Variants in GALNT9 observed in about 807,000 individuals in gnomAD.
The protein encoded by GALNT9 is polypeptide N-acetylgalactosaminyltransferase 9.
In GALNT9, 47 loss-of-function variants were observed where a neutral mutation model predicts 63.1. The observed-to-expected ratio is 0.75, with a 90% CI of 0.59 to 0.95. The LOEUF (loss-of-function observed/expected upper bound fraction) is 0.95, where lower values mean the gene tolerates loss of function less well. Among genes scored for constraint, GALNT9 ranks in the 40% least tolerant of loss-of-function variants. The pLI is 0.00. For missense variants in GALNT9, 829 were observed against 874.8 expected, an observed-to-expected ratio of 0.95 and a Z score of 0.66; for synonymous variants, 396 against 365.7, an observed-to-expected ratio of 1.08 and a Z score of -0.94.
chr12:132,256,381 T>C (rs1879110598), intron 5 of GALNT9, among the ~76,000 whole-genome samples: 1 of 151,876 alleles, frequency 6.6e-6, no homozygotes, highest in Non-Finnish European at 1.5e-5. Flanking sequence ...CTCCTCCCTG[T>C]TTCTAAGTAT....
chr12:132,320,647 G>T (rs28649898), intron 1 of GALNT9, among the ~76,000 whole-genome samples: 2 of 123,830 alleles, frequency 1.6e-5, no homozygotes, highest in Admixed American at 8.1e-5. Context: ...CGTGGGACAC[G>T]GTGGAGGAGG....
At chr12:132,285,197 G>C (rs1163549264) in intron 2 of GALNT9, among the ~76,000 whole-genome samples, 1 of 152,210 alleles carries the variant, frequency 6.6e-6, no homozygotes, top group Non-Finnish European at 1.5e-5. Flanking sequence ...GGCAAGTGTG[G>C]CTGAGGCCAC....
chr12:132,303,379 T>TCA (rs1566018926), intron 1 of GALNT9, among the ~76,000 whole-genome samples: 1 of 116,156 alleles, frequency 8.6e-6, no homozygotes, highest in Non-Finnish European at 1.8e-5. Context: ...CAGCACCCTC[T>TCA]CCGGGGCACA....
At chr12:132,281,100 G>A (rs879986045) in intron 2 of GALNT9, among the ~76,000 whole-genome samples, 12 of 152,188 alleles carry the variant, frequency 7.9e-5, no homozygotes, top group Non-Finnish European at 1.5e-4. Flanking sequence ...CTGTGGAGAC[G>A]CTTCCCAGCC....
At chr12:132,228,506 C>A (rs968302015) in intron 6 of GALNT9, among the ~76,000 whole-genome samples, 2 of 151,298 alleles carry the variant, frequency 1.3e-5, no homozygotes, top group African/African-American at 2.5e-5. Flanking sequence ...CGCTCCCTCC[C>A]CAGAGGAAGG....
In GALNT9 at chr12:132,257,675, A is replaced by G; in HGVS notation, c.959+14T>C. The G allele has an allele frequency of 6.5e-7, 1 of 1,542,594 alleles. No individual in the cohort carries two copies. The highest frequency in any genetic ancestry group is 8.8e-7 in the Non-Finnish European group (1 of 1,142,012). On this transcript the variant is annotated intron_variant, in intron 5 of 10. Transcript: ENST00000328957. The stretch of plus-strand genomic sequence containing the variant: ...CGGGCAGGGCCGCCCTCGACCCCTG[A>G]GGGCGCAGCTCACCTGATGGGTGCT...
intron 6 of GALNT9, among the ~76,000 whole-genome samples, chr12:132,207,979 T>C (rs1483967589): frequency 5.9e-5 from 9 of 152,246 alleles, no homozygotes; most frequent in African/African-American, 2.2e-4. Flanking sequence ...GGCAGGTCTC[T>C]TTTCTGCGTC....
intron 1 of GALNT9, among the ~76,000 whole-genome samples, chr12:132,309,621 C>T (rs1285047948): frequency 6.6e-6 from 1 of 152,188 alleles, no homozygotes; most frequent in African/African-American, 2.4e-5. Context: ...AGAGACGATG[C>T]CACGACTGCC....
intron 6 of GALNT9, among the ~76,000 whole-genome samples, chr12:132,235,455 G>A (rs919622499): frequency 5.9e-5 from 9 of 152,032 alleles, no homozygotes; most frequent in African/African-American, 1.7e-4. Context: ...GGGGGGCACC[G>A]GCTGCGGGAA....
At chr12:132,243,316 A>C (rs1565997305) in intron 6 of GALNT9, among the ~76,000 whole-genome samples, 1 of 134,894 alleles carries the variant, frequency 7.4e-6, no homozygotes, top group Non-Finnish European at 1.5e-5. Context: ...CCCATTACAC[A>C]CACACCACAC....
rs984083834 is a variant in GALNT9 at position 132,325,303 on chromosome 12, A to G, written c.238+3663T>C. 2.6e-5 allele frequency among the ~76,000 whole-genome samples: 4 copies of G among 152,330 alleles called. 1 individual carries two copies. The South Asian group carries it at 8.3e-4, about 32-fold the overall frequency. ...ACCCTCTCGCTTGCTCACTGGACAG[A>G]TATTCGTGGAGTGCTATGTTCACAG... On this transcript the variant is annotated intron_variant, in intron 1 of 10. Transcript: ENST00000328957.
chr12:132,302,747 G>A (rs1055112981), intron 1 of GALNT9, among the ~76,000 whole-genome samples: 1 of 152,252 alleles, frequency 6.6e-6, no homozygotes, highest in Non-Finnish European at 1.5e-5. Context: ...AGAAAGGCCA[G>A]GAGGGCAGGA....
In GALNT9 at chr12:132,300,664, G is replaced by A. The variant is rs868972538; in HGVS notation, c.239-14234C>T. On this transcript the variant is annotated intron_variant, in intron 1 of 10. Transcript: ENST00000328957. ...ACCACACCTAACCCACCCCTGAGAT[G>A]ACCAAGCCACTCCTGAGATAACTCA... Among the ~76,000 whole-genome samples the A allele has an allele frequency of 3.7e-3, 461 of 123,604 alleles. 1 individual carries two copies. The highest frequency in any genetic ancestry group is 0.014 in the African/African-American group (429 of 30,220). The allele number at this position is 123,604 out of a possible 152,430, so 81.1% of individuals were successfully genotyped here. A position where few individuals can be genotyped will look rare whatever the true frequency, so the allele number is the denominator to read the frequency against.
At chr12:132,321,990 C>T (rs1555246190) in intron 1 of GALNT9, among the ~76,000 whole-genome samples, 1 of 138,886 alleles carries the variant, frequency 7.2e-6, no homozygotes, top group African/African-American at 2.7e-5. Context: ...CCCCAAGGGG[C>T]GTCCTCCCCT....
intron 6 of GALNT9, chr12:132,240,625 G>A (rs2136898914): frequency 1.8e-5 from 8 of 454,308 alleles, no homozygotes; most frequent in South Asian, 3.1e-5. Context: ...GCTCGGCTGT[G>A]CTCTATGGGC....
intron 6 of GALNT9, among the ~76,000 whole-genome samples, chr12:132,204,635 G>T (rs1269209622): frequency 6.6e-6 from 1 of 152,122 alleles, no homozygotes; most frequent in Admixed American, 6.5e-5. Flanking sequence ...AACCGGGTGA[G>T]TCAATTCCTT....
intron 6 of GALNT9, among the ~76,000 whole-genome samples, chr12:132,237,255 CGTCCACACCTGTTCATACCT>C (rs1420787878): frequency 8.5e-5 from 13 of 152,086 alleles, no homozygotes; most frequent in African/African-American, 2.7e-4. Context: ...TGATCACACC[CGTCCACACCTGTTCATACCT>C]GTCCACACCT....
At chr12:132,257,924 C>A in intron 4 of GALNT9, 38 bp from the exon 5 acceptor site, 2 of 1,381,784 alleles carry the variant, frequency 1.4e-6, no homozygotes, top group Non-Finnish European at 2.0e-6. Context: ...CGGCCCCAGC[C>A]CACCGCATTC....
chr12:132,222,666 A>AG (rs1275639388), intron 6 of GALNT9, among the ~76,000 whole-genome samples: 1 of 151,936 alleles, frequency 6.6e-6, no homozygotes, highest in Non-Finnish European at 1.5e-5. Flanking sequence ...GAGACGCCGC[A>AG]GAGGCACTTC....
Sources: allele counts gnomAD v4.1 joint callset (sites outside exome capture counted in the v4.1 genomes callset), GRCh38; gene constraint gnomAD v4.1.1; transcripts MANE v1.5; gene names NCBI Gene and HGNC (gene_info 2026-07-23, HGNC 2026-07-21).